TET3: variants seen among roughly 807,000 people sequenced by gnomAD.
The protein encoded by TET3 is tet methylcytosine dioxygenase 3, also known as methylcytosine dioxygenase TET3.
Under a neutral mutation model 141.4 loss-of-function variants are expected in TET3, and 19 were observed. That is an observed-to-expected ratio of 0.13 (90% CI 0.09 to 0.20). The LOEUF (loss-of-function observed/expected upper bound fraction) is 0.20. TET3 is among the 10% of genes least tolerant of loss of function. TET3 has a pLI of 1.00. For missense variants in TET3, 1,874 were observed against 2,356.9 expected (o/e 0.80, Z 4.24); for synonymous variants, 1,043 against 980.9 (o/e 1.06, Z -1.18).
chr2:74,079,478 T>TA (rs1051453709), intron 5 of TET3, among the ~76,000 whole-genome samples: 12 of 152,308 alleles, frequency 7.9e-5, no homozygotes, highest in African/African-American at 2.4e-4. Context: ...CACCTGAAAC[T>TA]AAAAAACTGT....
chr2:74,047,634 A>C lies in TET3; in HGVS notation c.1717A>C (p.Arg573=). Residue 573 remains arginine (R), a synonymous_variant, in exon 4 of 12, where the codon AGA becomes CGA. Transcript: ENST00000409262. ...TTCACCTGTCCCACGGCTTCCAGAC[A>C]GACCACCCAAGGAGAAGAAGAAGAA... ...PSSPVPRLPD[R]PPKEKKKKLP... is the part of the protein sequence containing the mutation. The C allele has an allele frequency of 6.2e-7, 1 of 1,613,588 alleles. No individual in the cohort carries two copies. The highest frequency in any genetic ancestry group is 1.3e-5 in the African/African-American group (1 of 75,034).
chr2:74,022,293 C>T (rs530523041), intron 3 of TET3, among the ~76,000 whole-genome samples: 166 of 151,568 alleles, frequency 1.1e-3, no homozygotes, highest in African/African-American at 3.9e-3. Context: ...TTTTTATTTC[C>T]TTTATTTTTT....
intron 8 of TET3, 54 bp from the exon 9 acceptor site, chr2:74,092,848 C>G: frequency 4.8e-6 from 7 of 1,469,096 alleles, no homozygotes; most frequent in Non-Finnish European, 6.5e-6. Flanking sequence ...TTCCAGGGTG[C>G]AGGGTCTGCC....
At chr2:74,033,760 T>C (rs1686876390) in intron 3 of TET3, among the ~76,000 whole-genome samples, 1 of 152,198 alleles carries the variant, frequency 6.6e-6, no homozygotes, top group Non-Finnish European at 1.5e-5. Flanking sequence ...CAAAAAATGC[T>C]AACAAAGTAA....
At chr2:74,085,726 C>T (rs894302748) in intron 6 of TET3, among the ~76,000 whole-genome samples, 7 of 152,224 alleles carry the variant, frequency 4.6e-5, no homozygotes, top group African/African-American at 1.2e-4. Context: ...CACCTCCTGC[C>T]GTGCAGCCCA....
At chr2:74,003,897 A>C (rs1030918246) in intron 3 of TET3, among the ~76,000 whole-genome samples, 2 of 151,948 alleles carry the variant, frequency 1.3e-5, no homozygotes, top group African/African-American at 2.4e-5. Flanking sequence ...GGGAGAGTCC[A>C]GTAGAGTATC....
At chr2:74,075,275 C>T (rs1243885601) in intron 5 of TET3, among the ~76,000 whole-genome samples, 2 of 149,456 alleles carry the variant, frequency 1.3e-5, no homozygotes, top group Admixed American at 6.7e-5. Context: ...TTAGAGTTGT[C>T]GCAAATTTGG....
rs928727556 is a variant in TET3, at chr2:74,107,786, TTGAAA to T, written c.*5615_*5619del. On this transcript the variant is annotated 3_prime_UTR_variant, in exon 12 of 12. Transcript: ENST00000409262. ...TCTTGACTTTGTAAACTGTGGCTAC[TTGAAA>T]TGAAGTTTATCTGGGGTTGATGGAT... 8 of 152,236 alleles carry T rather than the reference TTGAAA, an allele frequency of 5.3e-5. No homozygotes were observed. Among genetic ancestry groups the T allele is most frequent in the East Asian group, 1.9e-4 (1 of 5,202 alleles). The allele number at this position is 152,236 out of a possible 1,614,324, so 9.4% of individuals were successfully genotyped here.
chr2:74,090,507 T>C (rs1038438152), intron 8 of TET3, among the ~76,000 whole-genome samples: 2 of 152,188 alleles, frequency 1.3e-5, no homozygotes, highest in African/African-American at 4.8e-5. Context: ...GACAGATGTC[T>C]CTGGGCAGTC....
intron 3 of TET3, among the ~76,000 whole-genome samples, chr2:74,030,287 T>A (rs1479777330): frequency 2.0e-5 from 3 of 152,250 alleles, no homozygotes; most frequent in Non-Finnish European, 2.9e-5. Flanking sequence ...ATTTGTGTGC[T>A]TGGTTTTACA....
chr2:73,988,691 C>T (rs896552964), intron 2 of TET3, among the ~76,000 whole-genome samples: 1 of 152,126 alleles, frequency 6.6e-6, no homozygotes, highest in South Asian at 2.1e-4. Flanking sequence ...GCTGGACAGC[C>T]TTGGGTGTCC....
At chr2:74,000,441 G>T (rs1684790213) in intron 2 of TET3, among the ~76,000 whole-genome samples, 1 of 152,224 alleles carries the variant, frequency 6.6e-6, no homozygotes. Context: ...CCCGGGAGGA[G>T]CAGATGATGC....
At chr2:74,035,717 A>C (rs1004332940) in intron 3 of TET3, among the ~76,000 whole-genome samples, 1 of 151,856 alleles carries the variant, frequency 6.6e-6, no homozygotes, top group Non-Finnish European at 1.5e-5. Context: ...ACAGAGTGAG[A>C]CTCTGTTTCA....
chr2:74,000,692 T>G (rs953547772), intron 2 of TET3, among the ~76,000 whole-genome samples: 1 of 152,070 alleles, frequency 6.6e-6, no homozygotes, highest in African/African-American at 2.4e-5. Context: ...CAGACAGAAC[T>G]TAGAGAATTG....
chr2:74,078,851 C>G (rs574190073), intron 5 of TET3, among the ~76,000 whole-genome samples: 2 of 152,336 alleles, frequency 1.3e-5, no homozygotes, highest in African/African-American at 2.4e-5. Flanking sequence ...ATTCAATCAT[C>G]TGTCTCCTTA....
At chr2:74,050,245 C>A (rs894159000) in intron 4 of TET3, among the ~76,000 whole-genome samples, 1 of 152,216 alleles carries the variant, frequency 6.6e-6, no homozygotes, top group African/African-American at 2.4e-5. Flanking sequence ...CTTTACATAA[C>A]CCATCACGGT....
Position 74,087,883 on chromosome 2 carries a change from G to T in TET3, c.2733G>T (p.Arg911=), listed in dbSNP as rs1206614561. The T allele has an allele frequency of 1.3e-6, 2 of 1,551,592 alleles. No individual in the cohort carries two copies. Among genetic ancestry groups the T allele is most frequent in the African/African-American group, 2.7e-5 (2 of 73,022 alleles). ...EEKLLCLVRH[R]AGHHCQNAVI... is the part of the protein sequence containing the mutation. ...AGCTACTCTGCCTGGTGCGGCACCGGGCAGGCCACCACTGCCAGAACGCTG... is the reference window on the plus strand; with the variant it reads ...AGCTACTCTGCCTGGTGCGGCACCGTGCAGGCCACCACTGCCAGAACGCTG... Residue 911 remains arginine, a synonymous_variant, in exon 7 of 12, where the codon CGG becomes CGT. Coordinates refer to ENST00000409262, the MANE Select transcript of TET3 (RefSeq NM_001287491.2). This position sits in a 1 kb window ranked among gnomAD's most constrained non-coding sequence, Gnocchi z 4.3.
intron 5 of TET3, among the ~76,000 whole-genome samples, chr2:74,077,390 C>G (rs1452313499): frequency 2.6e-5 from 4 of 152,132 alleles, no homozygotes; most frequent in Non-Finnish European, 5.9e-5. Flanking sequence ...CTGGGACCAC[C>G]CTTGGAGAGC....
In TET3 at chr2:74,041,636, A is replaced by G. The variant is rs566133274; in HGVS notation, c.361-4642A>G. 3.3e-5 allele frequency among the ~76,000 whole-genome samples: 5 copies of G among 152,366 alleles called. No individual in the cohort carries two copies. In the East Asian group the frequency reaches 9.6e-4, roughly 29 times the overall value. On this transcript the variant is annotated intron_variant, in intron 3 of 11. Coordinates refer to ENST00000409262, the MANE Select transcript of TET3 (RefSeq NM_001287491.2). ...CGAAGTACTGTTTTACAAAACTTGT[A>G]TATAAGTAGCTAATGGATCACAGCA...
Sources: gnomAD v4.1 joint callset for allele counts (sites outside exome capture counted in the v4.1 genomes callset) on GRCh38, gnomAD v4.1.1 for gene constraint, Gnocchi (gnomAD v3.1) non-coding constraint, MANE v1.5 for transcripts, NCBI Gene and HGNC (gene_info 2026-07-23, HGNC 2026-07-21) for gene names.